The following KRT80 variants were observed in gnomAD, a reference collection of about 807,000 sequenced individuals.
KRT80 encodes the protein keratin, type II cytoskeletal 80.
KRT80 carries 36 observed loss-of-function variants against 51.5 expected under a neutral mutation model. That is an observed-to-expected ratio of 0.70 (90% CI 0.54 to 0.92). The LOEUF (loss-of-function observed/expected upper bound fraction) is 0.92, where lower values mean the gene tolerates loss of function less well. KRT80 is among the 40% of genes least tolerant of loss of function. The pLI, the probability that KRT80 is intolerant of heterozygous loss-of-function variation, is 0.00. For missense variants in KRT80, 566 were observed against 591.7 expected (o/e 0.96, Z 0.45); for synonymous variants, 235 against 248.3 (o/e 0.95, Z 0.50).
chr12:52,177,635 C>CTG (rs34730614), intron 4 of KRT80, among the ~76,000 whole-genome samples: 3,119 of 148,194 alleles, frequency 0.021, 44 homozygotes, highest in African/African-American at 0.033. Context: ...TGTATCTTGG[C>CTG]TGTGTGTGTG....
intron 1 of KRT80, among the ~76,000 whole-genome samples, chr12:52,186,428 G>A (rs1941404311): frequency 6.6e-6 from 1 of 152,150 alleles, no homozygotes; most frequent in South Asian, 2.1e-4. Context: ...AGGTGCTCAT[G>A]TGGCCCCTGC....
chr12:52,175,678 T>A (rs930119726), intron 4 of KRT80, among the ~76,000 whole-genome samples: 28 of 152,090 alleles, frequency 1.8e-4, no homozygotes, highest in Admixed American at 6.5e-5. Flanking sequence ...GTCTCTGCCC[T>A]GGAGCTGGCA....
intron 1 of KRT80, among the ~76,000 whole-genome samples, chr12:52,190,132 C>CAG (rs1941459419): frequency 6.6e-6 from 1 of 152,168 alleles, no homozygotes; most frequent in Non-Finnish European, 1.5e-5. Flanking sequence ...CCTCAGTGGA[C>CAG]TGTGGTCCTT....
chr12:52,177,665 GCA>G (rs879749240), intron 4 of KRT80, among the ~76,000 whole-genome samples: 22,986 of 147,240 alleles, frequency 0.16, 2,462 homozygotes, highest in East Asian at 0.55. Flanking sequence ...GTGTGTGTGT[GCA>G]TGTGTGTGTA....
intron 1 of KRT80, among the ~76,000 whole-genome samples, chr12:52,190,856 C>A (rs979555673): frequency 1.3e-5 from 2 of 152,132 alleles, no homozygotes; most frequent in African/African-American, 2.4e-5. Flanking sequence ...TCCTTGGGAG[C>A]TCCCTTGCCC....
At chr12:52,181,943 C>A (rs1273244158) in intron 2 of KRT80, among the ~76,000 whole-genome samples, 3 of 152,218 alleles carry the variant, frequency 2.0e-5, no homozygotes, top group African/African-American at 7.2e-5. Context: ...GCCTGCCTAC[C>A]TCAGGCCCTA....
chr12:52,181,144 G>A (rs1044344229), intron 2 of KRT80, among the ~76,000 whole-genome samples, 181 bp from the exon 3 acceptor site: 7 of 151,716 alleles, frequency 4.6e-5, no homozygotes, highest in Admixed American at 3.9e-4. Flanking sequence ...CTCTCCCCCC[G>A]ACCTCCTGGC....
At chr12:52,176,489 T>G (rs534427762) in intron 4 of KRT80, among the ~76,000 whole-genome samples, 1 of 151,842 alleles carries the variant, frequency 6.6e-6, no homozygotes, top group South Asian at 2.1e-4. Flanking sequence ...CTTCTTTTTT[T>G]TTTTTTTTTG....
intron 1 of KRT80, 51 bp from the exon 2 acceptor site, chr12:52,185,638 C>G: frequency 6.3e-7 from 1 of 1,578,178 alleles, no homozygotes; most frequent in Middle Eastern, 1.7e-4. Flanking sequence ...CAGTCGGGGG[C>G]TGAGGCCCCG....
At chr12:52,187,548 G>T (rs1941424773) in intron 1 of KRT80, among the ~76,000 whole-genome samples, 1 of 152,176 alleles carries the variant, frequency 6.6e-6, no homozygotes, top group South Asian at 2.1e-4. Flanking sequence ...GAAGTGCTCT[G>T]ACGACCCTTC....
chr12:52,171,463 G>A lies in KRT80; in HGVS notation c.1294C>T (p.Pro432Ser). 6.2e-7 allele frequency: 1 copy of A among 1,613,154 alleles called. No individual in the cohort carries two copies. Among genetic ancestry groups the A allele is most frequent in the Non-Finnish European group, 8.5e-7 (1 of 1,179,570 alleles). The change falls in exon 9 of 9, where the codon CCC (proline) becomes TCC (serine). Residue 432 changes from proline to serine, a missense_variant. Physicochemically the swap from Pro to Ser is moderately conservative, Grantham distance 74. Transcript: ENST00000394815. The stretch of plus-strand genomic sequence containing the variant: ...GACATTTCGGTGATTTTGATCACGG[G>A]GCCTTTGCTGCCCTTCTTCTTTCGG... The part of the protein sequence containing the change: ...PSRKKKGSKG[P>S]VIKITEMSEK...
intron 4 of KRT80, among the ~76,000 whole-genome samples, 164 bp from the exon 5 acceptor site, chr12:52,173,928 C>T (rs537982223): frequency 6.6e-6 from 1 of 152,344 alleles, no homozygotes; most frequent in South Asian, 2.1e-4. Context: ...GCCACGTCTC[C>T]CCAGCCAGGA....
chr12:52,171,206 C>A lies in KRT80; in HGVS notation c.*192G>T. On this transcript the variant is annotated 3_prime_UTR_variant, in exon 9 of 9. Coordinates refer to ENST00000394815, the MANE Select transcript of KRT80 (RefSeq NM_182507.3). ...GATACTGATATGGAGCGGAGTGGCT[C>A]TGAGGAGCTGGTGATGCTCCTCTCC... 1.7e-6 allele frequency: 1 copy of A among 597,294 alleles called. No homozygotes were observed. The highest frequency in any genetic ancestry group is 2.8e-5 in the East Asian group (1 of 35,212). The allele number at this position is 597,294 out of a possible 1,614,324, so 37.0% of individuals were successfully genotyped here. A position where few individuals can be genotyped will look rare whatever the true frequency, so the allele number is the denominator to read the frequency against.
intron 1 of KRT80, 166 bp from the exon 2 acceptor site, chr12:52,185,753 T>A: frequency 1.4e-6 from 2 of 1,397,958 alleles, no homozygotes; most frequent in East Asian, 5.0e-5. Context: ...AATGACTGAT[T>A]GTTAAAACTG....
rs762630235 is a variant in KRT80 at position 52,180,586 on chromosome 12, T to A, written c.593A>T (p.His198Leu). ...TAACTTGGTTTCCAGTTCAGTCCGATGAAGACACTCTGCATCCAGGTCCTG... is the reference window on the plus strand; with the variant it reads ...TAACTTGGTTTCCAGTTCAGTCCGAAGAAGACACTCTGCATCCAGGTCCTG... ...LKKDLDAECL[H>L]RTELETKLKS... The change falls in exon 4 of 9, where the codon CAT becomes CTT. Residue 198 changes from histidine (H) to leucine (L), a missense_variant. Physicochemically the swap from His to Leu is moderately conservative, Grantham distance 99. Transcript: ENST00000394815. 6.6e-7 allele frequency: 1 copy of A among 1,505,778 alleles called. No individual in the cohort carries two copies. The highest frequency in any genetic ancestry group is 8.9e-7 in the Non-Finnish European group (1 of 1,128,312). 93.3% of individuals were successfully genotyped at this position (1,505,778 alleles called of 1,614,324 possible).
chr12:52,171,630 C>A, intron 8 of KRT80, 28 bp downstream of exon 8: 1 of 1,588,450 alleles, frequency 6.3e-7, no homozygotes, highest in African/African-American at 1.4e-5. Flanking sequence ...CTCACCCCAC[C>A]ATGGGTTCTC....
In KRT80 at chr12:52,171,126, C is replaced by T. The variant is rs962669612; in HGVS notation, c.*272G>A. On this transcript the variant is annotated 3_prime_UTR_variant, in exon 9 of 9. Coordinates refer to ENST00000394815, the MANE Select transcript of KRT80 (RefSeq NM_182507.3). ...TGGAGACAAAACTGACCCCTAATTC[C>T]GACTCACCCATCAGGAAAACCTCTG... 7 of 301,240 alleles carry T rather than the reference C, an allele frequency of 2.3e-5. No individual in the cohort carries two copies. The highest frequency in any genetic ancestry group is 3.7e-5 in the Non-Finnish European group (6 of 163,674). 18.7% of individuals were successfully genotyped at this position (301,240 alleles called of 1,614,324 possible). A position where few individuals can be genotyped will look rare whatever the true frequency, so the allele number is the denominator to read the frequency against.
chr12:52,173,865 G>T, intron 4 of KRT80, 101 bp from the exon 5 acceptor site: 1 of 1,195,518 alleles, frequency 8.4e-7, no homozygotes, highest in Non-Finnish European at 1.2e-6. Context: ...GGAGAGTGGA[G>T]CTGCTCCCTT....
In KRT80 at chr12:52,173,676, A is replaced by G. The variant is rs1565692273; in HGVS notation, c.755T>C (p.Val252Ala). 2 of 1,612,856 alleles carry G rather than the reference A, an allele frequency of 1.2e-6. No individual in the cohort carries two copies. Among genetic ancestry groups the G allele is most frequent in the South Asian group, 2.2e-5 (2 of 91,056 alleles). The part of the protein sequence containing the change: ...SRCHIDLSGI[V>A]EEVKAQYDAV... The stretch of plus-strand genomic sequence containing the variant: ...GTCATACTGGGCCTTCACCTCCTCC[A>G]CGATGCCGCTCAGGTCGATGTGGCA... The change falls in exon 5 of 9, where the codon GTG (valine) becomes GCG (alanine). Residue 252 changes from valine (V) to alanine (A), a missense_variant. Coordinates refer to ENST00000394815, the MANE Select transcript of KRT80 (RefSeq NM_182507.3).
Sources: allele counts gnomAD v4.1 joint callset (sites outside exome capture counted in the v4.1 genomes callset), GRCh38; gene constraint gnomAD v4.1.1; transcripts MANE v1.5; gene names NCBI Gene and HGNC (gene_info 2026-07-23, HGNC 2026-07-21).